Variants in RPP30 observed in about 807,000 individuals in gnomAD.
RPP30 encodes the protein ribonuclease P/MRP subunit p30, also known as ribonuclease P protein subunit p30.
A neutral mutation model predicts 38.6 loss-of-function variants in RPP30; 36 were observed. That is an observed-to-expected ratio of 0.93 (90% confidence interval 0.71 to 1.23). The LOEUF (loss-of-function observed/expected upper bound fraction) is 1.23, where lower values mean the gene tolerates loss of function less well. Ranked by LOEUF, RPP30 falls within the 50% of genes most tolerant of loss-of-function variation. RPP30 has a pLI of 0.00. For missense variants in RPP30, 321 were observed against 321.7 expected, an observed-to-expected ratio of 1.00 and a Z score of 0.02; for synonymous variants, 126 against 112.7, an observed-to-expected ratio of 1.12 and a Z score of -0.75.
chr10:90,879,756 G>A (rs1316114577), intron 5 of RPP30, among the ~76,000 whole-genome samples: 2 of 152,178 alleles, frequency 1.3e-5, no homozygotes, highest in African/African-American at 4.8e-5. Flanking sequence ...TAACGTGTAT[G>A]CTTGTTTGTC....
downstream of RPP30, among the ~76,000 whole-genome samples, chr10:90,904,230 T>C (rs923584923): frequency 6.6e-6 from 1 of 152,212 alleles, no homozygotes; most frequent in Non-Finnish European, 1.5e-5. Flanking sequence ...GATCATACTT[T>C]AGATATAAGA....
intron 1 of RPP30, among the ~76,000 whole-genome samples, chr10:90,873,022 CT>C (rs1846802638): frequency 6.6e-6 from 1 of 152,086 alleles, no homozygotes; most frequent in African/African-American, 2.4e-5. Flanking sequence ...ATAAGTTTTC[CT>C]AGGTGTAGTT....
At position 90,878,567 on chromosome 10, in the gene RPP30, C is replaced by T. The variant is rs577116966; in HGVS notation, c.271-496C>T. Among the ~76,000 whole-genome samples the T allele has an allele frequency of 2.6e-5, 4 of 151,962 alleles. No individual in the cohort carries two copies. In the South Asian group the frequency reaches 6.2e-4, roughly 24 times the overall value. On this transcript the variant is annotated intron_variant, in intron 4 of 10. Coordinates refer to ENST00000371703, the MANE Select transcript of RPP30 (RefSeq NM_006413.5). The stretch of plus-strand genomic sequence containing the variant: ...AGTGCAGTGGCATGAACGCGGCTCA[C>T]TGCAGCCTCAACCTATGGGACTCAA...
chr10:90,879,211 C>T lies in RPP30; in HGVS notation c.342+77C>T, dbSNP rs1846892005. On this transcript the variant is annotated intron_variant, in intron 5 of 10. Coordinates refer to ENST00000371703, the MANE Select transcript of RPP30 (RefSeq NM_006413.5). ...TCTGATGTTCTGACTTTGTAGATGA[C>T]CTGTTTTGACTCATCTGGAAACTTT... 7 of 1,113,766 alleles carry T rather than the reference C, an allele frequency of 6.3e-6. No individual in the cohort carries two copies. In the Admixed American group the frequency reaches 8.1e-5, roughly 13 times the overall value. 69.0% of individuals were successfully genotyped at this position (1,113,766 alleles called of 1,614,324 possible). A position where few individuals can be genotyped will look rare whatever the true frequency, so the allele number is the denominator to read the frequency against.
intron 1 of RPP30, among the ~76,000 whole-genome samples, chr10:90,873,649 G>A (rs900753791): frequency 6.6e-6 from 1 of 152,152 alleles, no homozygotes; most frequent in Non-Finnish European, 1.5e-5. Context: ...TCTGTAGAAC[G>A]GTAGGGACAT....
intron 6 of RPP30, among the ~76,000 whole-genome samples, chr10:90,892,661 C>T (rs144918027): frequency 1.1e-4 from 16 of 152,252 alleles, no homozygotes; most frequent in Non-Finnish European, 1.9e-4. Flanking sequence ...CTTGTATTAT[C>T]GTTCCACAAC....
chr10:90,895,373 A>G, intron 7 of RPP30, 81 bp from the exon 8 acceptor site: 2 of 791,644 alleles, frequency 2.5e-6, no homozygotes, highest in Non-Finnish European at 2.0e-6. Context: ...ATGTTAAAAT[A>G]TGATTACTGG....
At chr10:90,882,799 A>G (rs1838341593) in intron 5 of RPP30, among the ~76,000 whole-genome samples, 1 of 152,218 alleles carries the variant, frequency 6.6e-6, no homozygotes, top group South Asian at 2.1e-4. Flanking sequence ...CCCTGTCTCT[A>G]TTTTTAAAAA....
intron 1 of RPP30, 100 bp downstream of exon 1, chr10:90,872,168 C>G (rs1419009547): frequency 2.0e-6 from 2 of 1,009,960 alleles, no homozygotes; most frequent in Middle Eastern, 2.1e-4. Context: ...GGTCAGGTCT[C>G]CCAGAGTCTC....
chr10:90,882,415 C>T (rs1846940829), intron 5 of RPP30, among the ~76,000 whole-genome samples: 1 of 152,206 alleles, frequency 6.6e-6, no homozygotes, highest in Admixed American at 6.5e-5. Context: ...GTGGCTCACG[C>T]CTGTAATCCT....
intron 1 of RPP30, among the ~76,000 whole-genome samples, chr10:90,874,324 G>T (rs1425549446): frequency 2.6e-5 from 4 of 152,150 alleles, no homozygotes; most frequent in Non-Finnish European, 5.9e-5. Context: ...ATGGGAAGCG[G>T]GCAGTGGTGT....
chr10:90,885,786 C>G, intron 5 of RPP30, 26 bp from the exon 6 acceptor site: 2 of 1,527,902 alleles, frequency 1.3e-6, no homozygotes, highest in Non-Finnish European at 9.0e-7. Context: ...TCCTTTTGGC[C>G]TTACCTATTT....
At chr10:90,876,220 C>G in intron 4 of RPP30, 122 bp downstream of exon 4, 1 of 622,178 alleles carries the variant, frequency 1.6e-6, no homozygotes, top group South Asian at 1.9e-5. Flanking sequence ...AACCATGACA[C>G]CTGCTTGCTC....
In RPP30 at chr10:90,883,289, C is replaced by CAA. The variant is rs35852982; in HGVS notation, c.343-2507_343-2506dup. 2.8e-3 allele frequency among the ~76,000 whole-genome samples: 338 copies of CAA among 119,238 alleles called. 2 individuals are homozygous for CAA. Among genetic ancestry groups the CAA allele is most frequent in the Middle Eastern group, 8.9e-3 (2 of 224 alleles). The allele number at this position is 119,238 out of a possible 152,430, so 78.2% of individuals were successfully genotyped here. A position where few individuals can be genotyped will look rare whatever the true frequency, so the allele number is the denominator to read the frequency against. The stretch of plus-strand genomic sequence containing the variant: ...TTAAATTGTCATAGGAGTCTCTGGC[C>CAA]AAAAAAAAAAAAAAAAATTGGTATG... On this transcript the variant is annotated intron_variant, in intron 5 of 10. Coordinates refer to ENST00000371703, the MANE Select transcript of RPP30 (RefSeq NM_006413.5).
chr10:90,888,216 A>T (rs1788684549), intron 6 of RPP30, among the ~76,000 whole-genome samples: 2 of 152,162 alleles, frequency 1.3e-5, no homozygotes, highest in Non-Finnish European at 2.9e-5. Flanking sequence ...TAGGAAGGTC[A>T]TTTTCTAGAT....
In RPP30 at chr10:90,876,145, T is replaced by C. The variant is rs764322793; in HGVS notation, c.270+47T>C. The C allele has an allele frequency of 4.3e-6, 5 of 1,166,690 alleles. No homozygotes were observed. In the East Asian group the frequency reaches 1.2e-4, roughly 27 times the overall value. The allele number at this position is 1,166,690 out of a possible 1,614,324, so 72.3% of individuals were successfully genotyped here. A position where few individuals can be genotyped will look rare whatever the true frequency, so the allele number is the denominator to read the frequency against. ...TCTCCTTTTGGCTTTGTGAGTTGTATTGATTAATGTTGAACAATGTTGCAT... is the reference window on the plus strand; with the variant it reads ...TCTCCTTTTGGCTTTGTGAGTTGTACTGATTAATGTTGAACAATGTTGCAT... On this transcript the variant is annotated intron_variant, in intron 4 of 10. Coordinates refer to ENST00000371703, the MANE Select transcript of RPP30 (RefSeq NM_006413.5).
At chr10:90,890,446 A>C (rs942389231) in intron 6 of RPP30, among the ~76,000 whole-genome samples, 2 of 152,082 alleles carry the variant, frequency 1.3e-5, no homozygotes, top group Non-Finnish European at 2.9e-5. Context: ...TTTTCCCCTC[A>C]GTCCTTCCTT....
intron 6 of RPP30, among the ~76,000 whole-genome samples, chr10:90,888,672 G>A (rs1358433123): frequency 1.3e-5 from 2 of 152,108 alleles, no homozygotes; most frequent in South Asian, 2.1e-4. Context: ...GGCAACATGA[G>A]GAGGACAGTG....
Position 90,902,158 on chromosome 10 carries a change from A to G in RPP30, c.*1479A>G. 1.0e-6 allele frequency: 1 copy of G among 957,046 alleles called. No homozygotes were observed. Among genetic ancestry groups the G allele is most frequent in the Non-Finnish European group, 1.3e-6 (1 of 798,986 alleles). The allele number at this position is 957,046 out of a possible 1,614,324, so 59.3% of individuals were successfully genotyped here. ...ACCTCACCAATGAATACAAATGTTT[A>G]AATAAAATATTGATTAAAAAAACAT... On this transcript the variant is annotated 3_prime_UTR_variant, in exon 11 of 11. Transcript: ENST00000371703.
Sources: gnomAD v4.1 joint callset for allele counts (sites outside exome capture counted in the v4.1 genomes callset) on GRCh38, gnomAD v4.1.1 for gene constraint, MANE v1.5 for transcripts, NCBI Gene and HGNC (gene_info 2026-07-23, HGNC 2026-07-21) for gene names.